ARHGEF12: variants seen among roughly 807,000 people sequenced by gnomAD.
ARHGEF12 encodes Rho guanine nucleotide exchange factor 12.
Under a neutral mutation model 211.2 loss-of-function variants are expected in ARHGEF12, and 66 were observed. That is an observed-to-expected ratio of 0.31 (90% CI 0.26 to 0.38). ARHGEF12 has a LOEUF of 0.38. Ranked by LOEUF, ARHGEF12 falls within the 10% of genes least tolerant of loss-of-function variation. The pLI is 1.00. For missense variants in ARHGEF12, 1,429 were observed against 1,869.5 expected, an observed-to-expected ratio of 0.76 and a Z score of 4.34; for synonymous variants, 592 against 638.4, an observed-to-expected ratio of 0.93 and a Z score of 1.09.
chr11:120,350,520 A>AC (rs1942903037), intron 1 of ARHGEF12, among the ~76,000 whole-genome samples: 1 of 152,058 alleles, frequency 6.6e-6, no homozygotes, highest in Non-Finnish European at 1.5e-5. Context: ...GTCTCAAAAA[A>AC]AAAAAAAAAG....
chr11:120,433,473 C>T (rs568560063), intron 11 of ARHGEF12, among the ~76,000 whole-genome samples: 3 of 152,290 alleles, frequency 2.0e-5, no homozygotes, highest in Admixed American at 6.5e-5. Context: ...GTTTTCATGG[C>T]TTGTCCCTAC....
At chr11:120,427,170 C>T (rs1457715532) in intron 7 of ARHGEF12, among the ~76,000 whole-genome samples, 1 of 152,098 alleles carries the variant, frequency 6.6e-6, no homozygotes, top group Non-Finnish European at 1.5e-5. Flanking sequence ...GCCACCATGC[C>T]TGGCCTGATT....
intron 1 of ARHGEF12, among the ~76,000 whole-genome samples, chr11:120,396,839 G>A (rs2135525382): frequency 6.6e-6 from 1 of 152,284 alleles, no homozygotes; most frequent in African/African-American, 2.4e-5. Flanking sequence ...TGGAAGTTAA[G>A]ACTTCAGCAT....
intron 7 of ARHGEF12, among the ~76,000 whole-genome samples, chr11:120,425,845 C>T (rs961449530): frequency 2.8e-4 from 42 of 151,158 alleles, no homozygotes; most frequent in African/African-American, 1.0e-3. Flanking sequence ...TTATGATCTT[C>T]TGCATCAGAT....
At chr11:120,426,738 A>G (rs1376564185) in intron 7 of ARHGEF12, among the ~76,000 whole-genome samples, 4 of 152,238 alleles carry the variant, frequency 2.6e-5, no homozygotes. Context: ...ACTGTGAAAT[A>G]ATTGATAATG....
chr11:120,445,055 A>G (rs953281523), intron 15 of ARHGEF12, among the ~76,000 whole-genome samples: 8 of 152,232 alleles, frequency 5.3e-5, no homozygotes, highest in African/African-American at 1.2e-4. Flanking sequence ...ATGATAATAT[A>G]CACATAATTT....
Position 120,478,147 on chromosome 11 carries a change from A to G in ARHGEF12, c.3533-9A>G, listed in dbSNP as rs374559116. 1.1e-3 allele frequency: 1,794 copies of G among 1,593,588 alleles called. 1 individual carries two copies. Among genetic ancestry groups the G allele is most frequent in the Non-Finnish European group, 1.5e-3 (1,739 of 1,163,772 alleles). ...AGATATAGTCTACCTTTTCTATTCC[A>G]TTGGACAGACAGAGATTTGGGATTA... On this transcript the variant is annotated splice_polypyrimidine_tract_variant and intron_variant, in intron 36 of 40. Transcript: ENST00000397843.
At chr11:120,409,279 T>C (rs1296052396) in intron 3 of ARHGEF12, 115 bp from the exon 4 acceptor site, 8 of 956,448 alleles carry the variant, frequency 8.4e-6, no homozygotes, top group Admixed American at 2.0e-5. Context: ...GTTCATACTT[T>C]GTGTTTGCAC....
At chr11:120,364,400 A>G (rs1349667118) in intron 1 of ARHGEF12, among the ~76,000 whole-genome samples, 1 of 152,214 alleles carries the variant, frequency 6.6e-6, no homozygotes, top group Non-Finnish European at 1.5e-5. Context: ...ATAATTTGAC[A>G]ATATAGTTCA....
At chr11:120,412,160 A>G (rs537379503) in intron 4 of ARHGEF12, among the ~76,000 whole-genome samples, 17 of 152,324 alleles carry the variant, frequency 1.1e-4, no homozygotes, top group Admixed American at 8.5e-4. Flanking sequence ...AATTTTAATA[A>G]TACTTAATTT....
intron 29 of ARHGEF12, among the ~76,000 whole-genome samples, chr11:120,468,667 T>C (rs1323897685): frequency 6.6e-6 from 1 of 152,220 alleles, no homozygotes; most frequent in African/African-American, 2.4e-5. Flanking sequence ...GCCAGACTGG[T>C]CTTGAACTCC....
intron 1 of ARHGEF12, among the ~76,000 whole-genome samples, chr11:120,339,468 T>C (rs971702975): frequency 6.6e-6 from 1 of 152,186 alleles, no homozygotes; most frequent in African/African-American, 2.4e-5. Context: ...GTCTAACTCT[T>C]ACTGTAGGTA....
chr11:120,444,820 T>C (rs929823655), intron 15 of ARHGEF12, among the ~76,000 whole-genome samples: 3 of 152,186 alleles, frequency 2.0e-5, no homozygotes, highest in African/African-American at 7.2e-5. Context: ...AATTCTAAGA[T>C]AGTCACCTTA....
rs753348892 is a variant in ARHGEF12 at position 120,458,140 on chromosome 11, A to G, written c.2286A>G (p.Leu762=). ...AGGATGAACAATTTGAAAATGACTTAGAGACAGATCCACCCAACTGGCAGC... is the reference window on the plus strand; with the variant it reads ...AGGATGAACAATTTGAAAATGACTTGGAGACAGATCCACCCAACTGGCAGC... ...QSEDEQFEND[L]ETDPPNWQQL... Residue 762 remains leucine (L), a synonymous_variant, in exon 25 of 41, where the codon TTA becomes TTG. Coordinates refer to ENST00000397843, the MANE Select transcript of ARHGEF12 (RefSeq NM_015313.3). 14 of 1,611,722 alleles carry G rather than the reference A, an allele frequency of 8.7e-6. No individual in the cohort carries two copies. The Admixed American group carries it at 2.0e-4, about 23-fold the overall frequency.
chr11:120,458,321 A>T, intron 25 of ARHGEF12, 87 bp downstream of exon 25: 1 of 1,508,062 alleles, frequency 6.6e-7, no homozygotes, highest in Non-Finnish European at 9.0e-7. Context: ...AGTTTGCTTC[A>T]AAGTTTCTCC....
intron 1 of ARHGEF12, among the ~76,000 whole-genome samples, chr11:120,343,470 G>C (rs975187629): frequency 6.6e-6 from 1 of 152,244 alleles, no homozygotes; most frequent in Non-Finnish European, 1.5e-5. Flanking sequence ...GTCAGAGGCT[G>C]TGCCTAAATT....
intron 1 of ARHGEF12, among the ~76,000 whole-genome samples, chr11:120,404,080 A>G (rs1944621198): frequency 6.6e-6 from 1 of 152,008 alleles, no homozygotes; most frequent in Non-Finnish European, 1.5e-5. Context: ...TTTCTCCCCC[A>G]TATTTGAGCC....
rs1482600492 is a variant in ARHGEF12 at position 120,373,344 on chromosome 11, T to C, written c.33-32774T>C. ...ATTTAACAATATACTTTTTAAAATA[T>C]GTTTTATTTCCATGTGAGTACCTAT... On this transcript the variant is annotated intron_variant, in intron 1 of 40. Transcript: ENST00000397843. Among the ~76,000 whole-genome samples the C allele has an allele frequency of 2.6e-5, 4 of 152,320 alleles. No homozygotes were observed. The East Asian group carries it at 7.7e-4, about 29-fold the overall frequency.
At chr11:120,446,836 T>A (rs1277067310) in intron 17 of ARHGEF12, 112 bp from the exon 18 acceptor site, 1 of 1,345,136 alleles carries the variant, frequency 7.4e-7, no homozygotes, top group African/African-American at 1.5e-5. Flanking sequence ...AGTGGAAAAG[T>A]GACATTTTTC....
Sources: gnomAD v4.1 joint callset for allele counts (sites outside exome capture counted in the v4.1 genomes callset) on GRCh38, gnomAD v4.1.1 for gene constraint, MANE v1.5 for transcripts, NCBI Gene and HGNC (gene_info 2026-07-23, HGNC 2026-07-21) for gene names.